Variants in FRMPD4 observed in about 807,000 individuals in gnomAD.
FRMPD4 encodes FERM and PDZ domain containing 4, also known as FERM and PDZ domain-containing protein 4.
FRMPD4 carries 22 observed loss-of-function variants against 94.1 expected under a neutral mutation model. The observed-to-expected ratio is 0.23, with a 90% confidence interval of 0.17 to 0.33. FRMPD4 has a LOEUF of 0.33. FRMPD4 is among the 10% of genes least tolerant of loss of function. FRMPD4 has a pLI of 1.00. For missense variants in FRMPD4, 1,111 were observed against 1,339.9 expected, an observed-to-expected ratio of 0.83 and a Z score of 2.67; for synonymous variants, 631 against 548.6, an observed-to-expected ratio of 1.15 and a Z score of -2.10.
chrX:12,383,509 A>G (rs933064893), intron 1 of FRMPD4, among the ~76,000 whole-genome samples: 6 of 111,529 alleles, frequency 5.4e-5, no homozygotes, highest in African/African-American at 2.0e-4. Context: ...GATTTAAAAT[A>G]AAACCCTAAT....
intron 3 of FRMPD4, among the ~76,000 whole-genome samples, chrX:12,021,097 G>A (rs965734479): frequency 1.4e-4 from 16 of 111,964 alleles, no homozygotes; most frequent in African/African-American, 5.2e-4. Flanking sequence ...CATGCAGATA[G>A]ATATACCCAC....
chrX:11,840,520 TC>T (rs1426720561), intron 1 of FRMPD4, among the ~76,000 whole-genome samples: 1 of 109,788 alleles, frequency 9.1e-6, no homozygotes, highest in African/African-American at 3.3e-5. Context: ...TGTCTTCTTT[TC>T]TAATCTCTCT....
chrX:12,288,665 C>T (rs2054638099), intron 1 of FRMPD4, among the ~76,000 whole-genome samples: 2 of 111,462 alleles, frequency 1.8e-5, no homozygotes, highest in East Asian at 5.6e-4. Flanking sequence ...TTTTCTCTGC[C>T]AAGATGTAGC....
chrX:11,843,834 G>A (rs1366738494), intron 1 of FRMPD4, among the ~76,000 whole-genome samples: 1 of 111,315 alleles, frequency 9.0e-6, no homozygotes, highest in African/African-American at 3.3e-5. Flanking sequence ...TTTCAGGCAC[G>A]AGCCACTGTA....
At chrX:12,689,688 A>G (rs769800503) in intron 7 of FRMPD4, among the ~76,000 whole-genome samples, 1 of 112,818 alleles carries the variant, frequency 8.9e-6, no homozygotes, top group South Asian at 3.7e-4. Context: ...GCAGCACACA[A>G]GAGCAGCCAT....
chrX:11,962,696 C>T (rs930387631), intron 3 of FRMPD4, among the ~76,000 whole-genome samples: 2 of 111,539 alleles, frequency 1.8e-5, no homozygotes, highest in Non-Finnish European at 3.8e-5. Context: ...CTGTTGTCTT[C>T]CTCCTGACTT....
chrX:12,437,765 T>TGAG (rs950031274), intron 1 of FRMPD4, among the ~76,000 whole-genome samples: 4 of 112,429 alleles, frequency 3.6e-5, no homozygotes, highest in Admixed American at 2.8e-4. Flanking sequence ...ACTTGATCTC[T>TGAG]GAGGTTTTGC....
chrX:12,429,532 G>A (rs961151051), intron 1 of FRMPD4, among the ~76,000 whole-genome samples: 7 of 111,676 alleles, frequency 6.3e-5, no homozygotes, highest in African/African-American at 2.3e-4. Flanking sequence ...TCTCCTCCGT[G>A]CTAACTTTAT....
chrX:12,307,255 G>A (rs992832010), intron 1 of FRMPD4, among the ~76,000 whole-genome samples: 5 of 112,178 alleles, frequency 4.5e-5, no homozygotes, highest in Admixed American at 3.8e-4. Flanking sequence ...TGCACAAGAA[G>A]AAACAATGAT....
At chrX:12,296,948 G>A (rs914368565) in intron 1 of FRMPD4, among the ~76,000 whole-genome samples, 9 of 112,346 alleles carry the variant, frequency 8.0e-5, no homozygotes, top group African/African-American at 1.6e-4. Flanking sequence ...GTGGGCATGG[G>A]GTAGTTCCTG....
intron 1 of FRMPD4, among the ~76,000 whole-genome samples, chrX:12,156,369 G>T (rs1601637856): frequency 8.9e-6 from 1 of 111,739 alleles, no homozygotes; most frequent in East Asian, 2.8e-4. Flanking sequence ...TGGGAGGAAA[G>T]AAGGAGGGGA....
At chrX:12,667,486 ATATAT>A (rs2059791645) in intron 4 of FRMPD4, among the ~76,000 whole-genome samples, 1 of 112,352 alleles carries the variant, frequency 8.9e-6, no homozygotes, top group African/African-American at 3.2e-5. Flanking sequence ...CAATATGATT[ATATAT>A]TATAATTTTT....
intron 4 of FRMPD4, among the ~76,000 whole-genome samples, chrX:12,625,883 C>A (rs2059340737): frequency 9.0e-6 from 1 of 111,612 alleles, no homozygotes; most frequent in South Asian, 3.7e-4. Flanking sequence ...ACGAATATAT[C>A]AAAATATTAC....
At chrX:12,094,101 G>T (rs2055178466) in intron 3 of FRMPD4, among the ~76,000 whole-genome samples, 1 of 111,919 alleles carries the variant, frequency 8.9e-6, no homozygotes, top group African/African-American at 3.2e-5. Flanking sequence ...GTTTTCTCTA[G>T]GTGATAGCAA....
chrX:12,275,868 G>A (rs2054427642), intron 1 of FRMPD4, among the ~76,000 whole-genome samples: 1 of 111,692 alleles, frequency 9.0e-6, no homozygotes, highest in Non-Finnish European at 1.9e-5. Context: ...TCACTTTACA[G>A]TTGAATAAGC....
intron 1 of FRMPD4, among the ~76,000 whole-genome samples, chrX:12,415,479 A>AT (rs1476245828): frequency 9.0e-6 from 1 of 111,488 alleles, no homozygotes; most frequent in African/African-American, 3.3e-5. Flanking sequence ...TGATTAAAGG[A>AT]TTTTGCACCA....
intron 3 of FRMPD4, among the ~76,000 whole-genome samples, chrX:12,084,556 T>G (rs1458305507): frequency 8.9e-6 from 1 of 112,431 alleles, no homozygotes; most frequent in African/African-American, 3.2e-5. Context: ...ATCTTATTTC[T>G]GATTATCAAA....
intron 1 of FRMPD4, among the ~76,000 whole-genome samples, chrX:12,357,921 G>A (rs1413587338): frequency 1.8e-5 from 2 of 111,580 alleles, no homozygotes; most frequent in Non-Finnish European, 3.8e-5. Flanking sequence ...CCTGGCAACC[G>A]CTACTCTACT....
At position 12,140,980 on chromosome X, in the gene FRMPD4, A is replaced by G. The variant is rs773522365; in HGVS notation, c.41+1968A>G. 2.7e-5 allele frequency among the ~76,000 whole-genome samples: 3 copies of G among 111,890 alleles called. No individual in the cohort carries two copies. The East Asian group carries it at 8.4e-4, about 31-fold the overall frequency. ...CGATTAAGAAATCTTCCATCCATAG[A>G]ATTCTTCTTTTTCTTTAGTGTGAGC... On this transcript the variant is annotated intron_variant, in intron 1 of 16. Coordinates refer to ENST00000675598, the MANE Select transcript of FRMPD4 (RefSeq NM_001368397.1).
Sources: gnomAD v4.1 joint callset for allele counts (sites outside exome capture counted in the v4.1 genomes callset) on GRCh38, gnomAD v4.1.1 for gene constraint, MANE v1.5 for transcripts, NCBI Gene and HGNC (gene_info 2026-07-23, HGNC 2026-07-21) for gene names.